Variants in SLIT2 observed in about 807,000 individuals in gnomAD.
SLIT2 encodes the protein slit guidance ligand 2, also known as slit homolog 2 protein.
In SLIT2, 41 loss-of-function variants were observed where a neutral mutation model predicts 185.7. The observed-to-expected ratio is 0.22, with a 90% confidence interval of 0.17 to 0.29. SLIT2 has a LOEUF of 0.29. Ranked by LOEUF, SLIT2 falls within the 10% of genes least tolerant of loss-of-function variation. The pLI is 1.00. For synonymous variants in SLIT2, 693 were observed against 680.2 expected (o/e 1.02, Z -0.29); for missense variants, 1,571 against 1,909.0 (o/e 0.82, Z 3.30).
At chr4:20,505,351 C>A (rs761014783) in intron 9 of SLIT2, among the ~76,000 whole-genome samples, 2 of 151,974 alleles carry the variant, frequency 1.3e-5, no homozygotes, top group Non-Finnish European at 2.9e-5. Context: ...CTAAGTGACA[C>A]ACCTTGAAAA....
chr4:20,585,247 C>T (rs1726961282), intron 29 of SLIT2, among the ~76,000 whole-genome samples: 1 of 152,078 alleles, frequency 6.6e-6, no homozygotes. Flanking sequence ...AACCATAGAC[C>T]CCTTGATGGA....
At chr4:20,437,504 C>T (rs1193488944) in intron 4 of SLIT2, among the ~76,000 whole-genome samples, 2 of 152,058 alleles carry the variant, frequency 1.3e-5, no homozygotes, top group African/African-American at 4.8e-5. Context: ...GGTCCCAGCA[C>T]CCAGAGAAGC....
intron 4 of SLIT2, among the ~76,000 whole-genome samples, chr4:20,331,466 T>C (rs1254891119): frequency 6.6e-6 from 1 of 152,124 alleles, no homozygotes; most frequent in Non-Finnish European, 1.5e-5. Context: ...TCAAAATCTA[T>C]TTTGCTAAAT....
chr4:20,465,608 C>T (rs1403713089), intron 4 of SLIT2, among the ~76,000 whole-genome samples: 1 of 152,168 alleles, frequency 6.6e-6, no homozygotes, highest in Non-Finnish European at 1.5e-5. Context: ...GACACTCTAA[C>T]ACTTTTGCAA....
At chr4:20,597,431 A>C (rs1577997497) in intron 32 of SLIT2, among the ~76,000 whole-genome samples, 1 of 152,212 alleles carries the variant, frequency 6.6e-6, no homozygotes, top group East Asian at 1.9e-4. Flanking sequence ...AACAAACTCA[A>C]ATTTTAAGTC....
At chr4:20,317,303 A>G (rs1233038998) in intron 4 of SLIT2, among the ~76,000 whole-genome samples, 1 of 149,632 alleles carries the variant, frequency 6.7e-6, no homozygotes, top group Non-Finnish European at 1.5e-5. Flanking sequence ...GTTAAAATGA[A>G]AGGAAAGAAA....
At chr4:20,393,914 T>C (rs953961405) in intron 4 of SLIT2, among the ~76,000 whole-genome samples, 2 of 152,074 alleles carry the variant, frequency 1.3e-5, no homozygotes, top group Non-Finnish European at 2.9e-5. Context: ...GAGGGCAGCA[T>C]CTTTATTGGG....
At chr4:20,441,692 A>G (rs2148701013) in intron 4 of SLIT2, among the ~76,000 whole-genome samples, 1 of 152,260 alleles carries the variant, frequency 6.6e-6, no homozygotes. Flanking sequence ...GCTCGGAAAC[A>G]GTCACTTCCA....
chr4:20,285,230 CAAT>C (rs1297015661), intron 4 of SLIT2, among the ~76,000 whole-genome samples: 2 of 152,162 alleles, frequency 1.3e-5, no homozygotes, highest in African/African-American at 4.8e-5. Context: ...GGGAGTGAGA[CAAT>C]GATGAGGCCT....
At chr4:20,329,550 G>A (rs1719892371) in intron 4 of SLIT2, among the ~76,000 whole-genome samples, 1 of 152,004 alleles carries the variant, frequency 6.6e-6, no homozygotes, top group Non-Finnish European at 1.5e-5. Context: ...AGGATTGACA[G>A]ATGATGTTGG....
intron 4 of SLIT2, among the ~76,000 whole-genome samples, chr4:20,423,207 ATCT>A (rs1348866626): frequency 6.6e-6 from 1 of 152,096 alleles, no homozygotes; most frequent in Non-Finnish European, 1.5e-5. Context: ...ATTGGGGATG[ATCT>A]TATTTTGTTT....
At chr4:20,469,957 G>A (rs956478867) in intron 5 of SLIT2, among the ~76,000 whole-genome samples, 2 of 151,800 alleles carry the variant, frequency 1.3e-5, no homozygotes, top group Non-Finnish European at 2.9e-5. Flanking sequence ...ATTTCATCAT[G>A]TTGGTCAGGC....
chr4:20,334,534 A>G (rs1720336091), intron 4 of SLIT2, among the ~76,000 whole-genome samples: 1 of 152,138 alleles, frequency 6.6e-6, no homozygotes, highest in Non-Finnish European at 1.5e-5. Context: ...TTCCTTTTCT[A>G]ATTGGTATGA....
chr4:20,544,402 G>A (rs567016602), intron 21 of SLIT2, among the ~76,000 whole-genome samples: 6 of 152,142 alleles, frequency 3.9e-5, no homozygotes, highest in African/African-American at 1.4e-4. Flanking sequence ...TGGACATCCT[G>A]CTTGGTGCAT....
At position 20,283,330 on chromosome 4, in the gene SLIT2, C is replaced by T. The variant is rs537048736; in HGVS notation, c.395+14449C>T. ...TGTGAACTTGCAGGAGTCTTTCTCACTCTATAGAGAGGGTGTTGGAGCCAA... is the reference window on the plus strand; with the variant it reads ...TGTGAACTTGCAGGAGTCTTTCTCATTCTATAGAGAGGGTGTTGGAGCCAA... On this transcript the variant is annotated intron_variant, in intron 4 of 36. Coordinates refer to ENST00000504154, the MANE Select transcript of SLIT2 (RefSeq NM_004787.4). Among the ~76,000 whole-genome samples the T allele has an allele frequency of 1.4e-4, 21 of 152,304 alleles. 1 individual carries two copies. The South Asian group carries it at 3.9e-3, about 29-fold the overall frequency.
At chr4:20,459,278 G>C (rs1713432530) in intron 4 of SLIT2, among the ~76,000 whole-genome samples, 1 of 152,038 alleles carries the variant, frequency 6.6e-6, no homozygotes, top group Non-Finnish European at 1.5e-5. Context: ...ACATAGAAGA[G>C]ATGCATATAA....
At chr4:20,450,307 A>C (rs1712328177) in intron 4 of SLIT2, among the ~76,000 whole-genome samples, 2 of 152,246 alleles carry the variant, frequency 1.3e-5, no homozygotes. Flanking sequence ...AGCCATGTGG[A>C]TGCCCTATGG....
At chr4:20,443,060 T>C (rs1014222007) in intron 4 of SLIT2, among the ~76,000 whole-genome samples, 2 of 152,174 alleles carry the variant, frequency 1.3e-5, no homozygotes, top group South Asian at 4.1e-4. Flanking sequence ...ATAGGTCATA[T>C]CATGCCTGGG....
chr4:20,276,591 A>AAAAC (rs10692943), intron 4 of SLIT2, among the ~76,000 whole-genome samples: 100,372 of 151,066 alleles, frequency 0.66, 33,451 homozygotes, highest in East Asian at 0.81. Context: ...TGTTAAAAAC[A>AAAAC]AAACAAACAA....
Sources: allele counts gnomAD v4.1 joint callset (sites outside exome capture counted in the v4.1 genomes callset), GRCh38; gene constraint gnomAD v4.1.1; transcripts MANE v1.5; gene names NCBI Gene and HGNC (gene_info 2026-07-23, HGNC 2026-07-21).